The following DOCK1 variants were observed in gnomAD, a reference collection of about 807,000 sequenced individuals.
DOCK1 encodes the protein dedicator of cytokinesis protein 1.
In DOCK1, 138 loss-of-function variants were observed where a neutral mutation model predicts 262.7. That is an observed-to-expected ratio of 0.53 (90% CI 0.46 to 0.61). DOCK1 has a LOEUF of 0.61. Among genes scored for constraint, DOCK1 ranks in the 20% least tolerant of loss-of-function variants. DOCK1 has a pLI of 0.00. For missense variants in DOCK1, 1,908 were observed against 2,370.7 expected (o/e 0.80, Z 4.05); for synonymous variants, 866 against 867.4 (o/e 1.00, Z 0.03).
At chr10:127,077,118 A>G (rs757594306) in intron 23 of DOCK1, among the ~76,000 whole-genome samples, 37 of 152,068 alleles carry the variant, frequency 2.4e-4, no homozygotes, top group Admixed American at 7.2e-4. Flanking sequence ...ACGAGGGCCG[A>G]GCGCGGTGGC....
intron 51 of DOCK1, among the ~76,000 whole-genome samples, chr10:127,448,005 A>G (rs550482221): frequency 6.6e-6 from 1 of 152,180 alleles, no homozygotes; most frequent in Non-Finnish European, 1.5e-5. Flanking sequence ...CTTGTCTCCA[A>G]ACATCCCTCC....
intron 37 of DOCK1, among the ~76,000 whole-genome samples, chr10:127,381,958 TATGGATGGATGGATGG>T (rs10541699): frequency 0.018 from 2,626 of 150,020 alleles, 31 homozygotes; most frequent in Middle Eastern, 0.055. Flanking sequence ...TACAGTGACG[TATGGATGGATGGATGG>T]ATGGATGGAT....
At chr10:127,283,711 T>A (rs1350737673) in intron 29 of DOCK1, among the ~76,000 whole-genome samples, 1 of 152,238 alleles carries the variant, frequency 6.6e-6, no homozygotes, top group Non-Finnish European at 1.5e-5. Context: ...AGCATTTTCA[T>A]TGCCAACTTT....
intron 29 of DOCK1, among the ~76,000 whole-genome samples, chr10:127,305,223 C>T (rs541098110): frequency 2.0e-5 from 3 of 151,972 alleles, no homozygotes; most frequent in Non-Finnish European, 4.4e-5. Flanking sequence ...TTTCTCATGT[C>T]ACATTTATTT....
chr10:127,117,991 G>T (rs1354069932), intron 25 of DOCK1, among the ~76,000 whole-genome samples: 1 of 152,130 alleles, frequency 6.6e-6, no homozygotes, highest in African/African-American at 2.4e-5. Flanking sequence ...CCGCTAAGAT[G>T]AACTGCAACA....
At chr10:127,301,078 C>T (rs1011953514) in intron 29 of DOCK1, among the ~76,000 whole-genome samples, 1 of 152,174 alleles carries the variant, frequency 6.6e-6, no homozygotes, top group South Asian at 2.1e-4. Flanking sequence ...CCTAGCAGCA[C>T]GCATCAGTGC....
At chr10:127,246,251 C>T (rs2134759401) in intron 27 of DOCK1, among the ~76,000 whole-genome samples, 1 of 152,344 alleles carries the variant, frequency 6.6e-6, no homozygotes, top group East Asian at 1.9e-4. Context: ...ACAGCCTCCA[C>T]ACCCAGCTTT....
intron 1 of DOCK1, among the ~76,000 whole-genome samples, chr10:126,935,609 T>C (rs1305592866): frequency 2.0e-5 from 3 of 152,224 alleles, no homozygotes. Flanking sequence ...TCTTCCTTCC[T>C]TCCGCCTCTC....
intron 11 of DOCK1, among the ~76,000 whole-genome samples, chr10:127,011,297 T>C (rs1316951889): frequency 6.6e-6 from 1 of 152,230 alleles, no homozygotes; most frequent in Non-Finnish European, 1.5e-5. Flanking sequence ...CCATTAAAAC[T>C]GATTTATTAT....
chr10:127,215,999 T>C (rs567320024), intron 27 of DOCK1, among the ~76,000 whole-genome samples: 1 of 152,318 alleles, frequency 6.6e-6, no homozygotes, highest in African/African-American at 2.4e-5. Flanking sequence ...ATCTAACTGC[T>C]GCTTTCCATC....
intron 23 of DOCK1, among the ~76,000 whole-genome samples, chr10:127,097,898 C>T (rs542306191): frequency 3.3e-5 from 5 of 152,294 alleles, no homozygotes; most frequent in African/African-American, 9.6e-5. Flanking sequence ...ATGGTGTATT[C>T]GTACAGTTTC....
chr10:127,419,667 C>G lies in DOCK1; in HGVS notation c.4694C>G (p.Ala1565Gly). 1.2e-6 allele frequency: 2 copies of G among 1,601,824 alleles called. No homozygotes were observed. The highest frequency in any genetic ancestry group is 1.7e-6 in the Non-Finnish European group (2 of 1,173,972). Residue 1565 changes from alanine to glycine, a missense_variant and splice_region_variant, in exon 46 of 52, where the codon GCC becomes GGC. Physicochemically the swap from Ala to Gly is moderately conservative, Grantham distance 60. Coordinates refer to ENST00000623213, the MANE Select transcript of DOCK1 (RefSeq NM_001290223.2). ...VMGGFANYEK[A>G]FFTDRYLQEH... is the part of the protein sequence containing the mutation. ...AGCAACTCTCCTTGTCTCCACCAGG[C>G]CTTCTTTACAGACCGGTACCTGCAG...
intron 27 of DOCK1, among the ~76,000 whole-genome samples, chr10:127,194,816 C>A (rs145656348): frequency 6.6e-6 from 1 of 152,310 alleles, no homozygotes; most frequent in African/African-American, 2.4e-5. Flanking sequence ...GGCAGGGCTC[C>A]CCCAAAGTTC....
intron 23 of DOCK1, among the ~76,000 whole-genome samples, chr10:127,092,779 G>A (rs1564797146): frequency 2.0e-5 from 3 of 152,096 alleles, no homozygotes; most frequent in South Asian, 2.1e-4. Flanking sequence ...CACCGCGCCC[G>A]GCAGACATTC....
At chr10:127,198,740 GCTT>G (rs754151304) in intron 27 of DOCK1, among the ~76,000 whole-genome samples, 307 of 63,286 alleles carry the variant, frequency 4.9e-3, no homozygotes, top group Admixed American at 0.011. Context: ...CATTGGCATC[GCTT>G]CTTTTTTTTT....
chr10:127,065,958 C>T (rs375393591), intron 23 of DOCK1, among the ~76,000 whole-genome samples: 3 of 152,040 alleles, frequency 2.0e-5, no homozygotes, highest in African/African-American at 4.8e-5. Flanking sequence ...CAGTGCTGAC[C>T]GTCCCCCTCC....
intron 1 of DOCK1, among the ~76,000 whole-genome samples, chr10:126,922,209 CAAAAAAAA>C (rs1213635501): frequency 3.1e-5 from 2 of 63,950 alleles, no homozygotes; most frequent in African/African-American, 1.2e-4. Context: ...GACCCTGTAT[CAAAAAAAA>C]AAAAAAAAAA....
intron 27 of DOCK1, among the ~76,000 whole-genome samples, chr10:127,230,167 C>T (rs1412073429): frequency 6.6e-6 from 1 of 152,130 alleles, no homozygotes; most frequent in Non-Finnish European, 1.5e-5. Flanking sequence ...AGATATTAAT[C>T]CCCTTTCAGA....
chr10:127,354,347 A>G (rs952013633), intron 31 of DOCK1, among the ~76,000 whole-genome samples: 1 of 152,240 alleles, frequency 6.6e-6, no homozygotes, highest in Non-Finnish European at 1.5e-5. Context: ...CGCTAACGAC[A>G]TGCATGGAAC....
Sources: allele counts gnomAD v4.1 joint callset (sites outside exome capture counted in the v4.1 genomes callset), GRCh38; gene constraint gnomAD v4.1.1; transcripts MANE v1.5; gene names NCBI Gene and HGNC (gene_info 2026-07-23, HGNC 2026-07-21).